Variants in COL6A6 observed in about 807,000 individuals in gnomAD.
COL6A6 encodes the protein collagen alpha-6(VI) chain.
Under a neutral mutation model 208.6 loss-of-function variants are expected in COL6A6, and 183 were observed. The ratio of observed to expected loss-of-function variants is 0.88; its 90% CI spans 0.78 to 0.99. The LOEUF (loss-of-function observed/expected upper bound fraction) is 0.99. Ranked by LOEUF, COL6A6 falls within the 50% of genes least tolerant of loss-of-function variation. The pLI is 0.00. For missense variants in COL6A6, 2,816 were observed against 2,815.2 expected (o/e 1.00, Z -0.01); for synonymous variants, 973 against 1,011.8 (o/e 0.96, Z 0.73).
At chr3:130,641,077 G>T (rs541622265) in intron 28 of COL6A6, among the ~76,000 whole-genome samples, 3 of 152,194 alleles carry the variant, frequency 2.0e-5, no homozygotes, top group Non-Finnish European at 4.4e-5. Context: ...GATTATTAAT[G>T]CCTGACAGTA....
At chr3:130,550,418 A>C (rs976841315) in intron 1 of COL6A6, among the ~76,000 whole-genome samples, 6 of 152,136 alleles carry the variant, frequency 3.9e-5, no homozygotes, top group African/African-American at 1.2e-4. Context: ...TTCCCCATTC[A>C]GTATGATGTT....
chr3:130,643,383 G>C (rs1228263631), intron 31 of COL6A6, among the ~76,000 whole-genome samples: 1 of 152,160 alleles, frequency 6.6e-6, no homozygotes, highest in Non-Finnish European at 1.5e-5. Context: ...GAATTCACCT[G>C]GCATGAAAGA....
chr3:130,525,069 T>A (rs1257817272), intron 1 of COL6A6, among the ~76,000 whole-genome samples: 2 of 152,250 alleles, frequency 1.3e-5, no homozygotes, highest in Non-Finnish European at 2.9e-5. Flanking sequence ...CCCATTATCC[T>A]GCTTTCACAA....
intron 27 of COL6A6, 105 bp downstream of exon 27, chr3:130,634,730 C>G: frequency 1.2e-6 from 1 of 802,854 alleles, no homozygotes; most frequent in East Asian, 2.9e-5. Flanking sequence ...AATAAATGTC[C>G]TACCTTTGTG....
rs2062993523 is a variant in COL6A6 at position 130,565,397 on chromosome 3, C to T, written c.1065C>T (p.Leu355=). 6.2e-7 allele frequency: 1 copy of T among 1,613,848 alleles called. No homozygotes were observed. The highest frequency in any genetic ancestry group is 1.1e-5 in the South Asian group (1 of 91,082). ...ACGTGACAAAAGCAGCTGTTAACCTCCGACGGGAGGGTGTGACCATCTTCA... is the reference window on the plus strand; with the variant it reads ...ACGTGACAAAAGCAGCTGTTAACCTTCGACGGGAGGGTGTGACCATCTTCA... ...EDNVTKAAVN[L]RREGVTIFTL... The change falls in exon 4 of 37, where the codon CTC becomes CTT. Residue 355 remains leucine, a synonymous_variant. Coordinates refer to ENST00000358511, the MANE Select transcript of COL6A6 (RefSeq NM_001102608.3).
In COL6A6 at chr3:130,569,726, G is replaced by A. The variant is rs76942779; in HGVS notation, c.2402-1092G>A. On this transcript the variant is annotated intron_variant, in intron 6 of 36. Transcript: ENST00000358511. ...ATTCCCAGTCTCCTGGGTAATCCAA[G>A]CAGGCTTCCCAGGCAGTCAAAGACC... Among the ~76,000 whole-genome samples the A allele has an allele frequency of 3.3e-5, 5 of 152,300 alleles. No individual in the cohort carries two copies. In the East Asian group the frequency reaches 9.6e-4, roughly 29 times the overall value.
intron 31 of COL6A6, among the ~76,000 whole-genome samples, chr3:130,643,410 G>C (rs889761786): frequency 4.6e-5 from 7 of 152,168 alleles, no homozygotes; most frequent in Non-Finnish European, 8.8e-5. Flanking sequence ...CGTGATAATA[G>C]GGTGTCCTGG....
chr3:130,604,548 C>T (rs914435916), intron 20 of COL6A6, among the ~76,000 whole-genome samples: 2 of 151,390 alleles, frequency 1.3e-5, no homozygotes, highest in Admixed American at 6.6e-5. Context: ...GCTATGCGAT[C>T]GTTTCTAGAG....
Position 130,662,174 on chromosome 3 carries a change from T to G in COL6A6, c.6368T>G (p.Ile2123Ser). 6.2e-7 allele frequency: 1 copy of G among 1,613,986 alleles called. No individual in the cohort carries two copies. Among genetic ancestry groups the G allele is most frequent in the South Asian group, 1.1e-5 (1 of 91,078 alleles). The change falls in exon 35 of 37, where the codon ATT (isoleucine) becomes AGT (serine). Residue 2123 changes from isoleucine to serine, a missense_variant. Ile to Ser is a moderately radical substitution (Grantham distance 142). Transcript: ENST00000358511. ...YALFVFSLGP[I>S]WDDKELEDLA... ...TTATTTGTGTTTTCCCTTGGCCCTA[T>G]TTGGGATGACAAGGAACTGGAGGAT...
At chr3:130,657,516 A>G (rs1272868508) in intron 33 of COL6A6, among the ~76,000 whole-genome samples, 1 of 152,250 alleles carries the variant, frequency 6.6e-6, no homozygotes, top group East Asian at 1.9e-4. Context: ...TCAGTTGGCC[A>G]CTTGTGACTA....
intron 1 of COL6A6, among the ~76,000 whole-genome samples, chr3:130,559,595 G>A (rs1450758821): frequency 6.6e-6 from 1 of 152,148 alleles, no homozygotes; most frequent in Admixed American, 6.5e-5. Context: ...TAATAAATGA[G>A]CAAAAAATAA....
At position 130,675,585 on chromosome 3, in the gene COL6A6, C is replaced by A. The variant is rs140244355; in HGVS notation, c.*188C>A. The stretch of plus-strand genomic sequence containing the variant: ...CACTCCTGACAATTCCAGCACTCTA[C>A]GACTGATATGTCGAAGAACTGTTTC... On this transcript the variant is annotated 3_prime_UTR_variant, in exon 37 of 37. Coordinates refer to ENST00000358511, the MANE Select transcript of COL6A6 (RefSeq NM_001102608.3). 4 of 464,594 alleles carry A rather than the reference C, an allele frequency of 8.6e-6. No homozygotes were observed. Among genetic ancestry groups the A allele is most frequent in the African/African-American group, 1.9e-5 (1 of 51,564 alleles). 28.8% of individuals were successfully genotyped at this position (464,594 alleles called of 1,614,324 possible).
intron 1 of COL6A6, among the ~76,000 whole-genome samples, chr3:130,557,235 A>G (rs987808375): frequency 2.6e-5 from 4 of 152,250 alleles, no homozygotes; most frequent in African/African-American, 7.2e-5. Flanking sequence ...ACCCTGTTCA[A>G]ATATGATTAA....
chr3:130,662,744 T>C (rs2065969136), intron 35 of COL6A6, among the ~76,000 whole-genome samples: 1 of 152,214 alleles, frequency 6.6e-6, no homozygotes, highest in Non-Finnish European at 1.5e-5. Flanking sequence ...TTGGCTTTGC[T>C]TTCACAAGTT....
chr3:130,627,534 G>C (rs1054633204), intron 26 of COL6A6, among the ~76,000 whole-genome samples, 165 bp downstream of exon 26: 8 of 152,220 alleles, frequency 5.3e-5, no homozygotes, highest in Admixed American at 5.2e-4. Flanking sequence ...GAATGTGATA[G>C]AAAAGAATGT....
At chr3:130,566,181 T>C (rs995444987) in intron 4 of COL6A6, among the ~76,000 whole-genome samples, 4 of 152,362 alleles carry the variant, frequency 2.6e-5, no homozygotes, top group African/African-American at 7.2e-5. Flanking sequence ...GGTATACATA[T>C]AGATGTGTAT....
intron 13 of COL6A6, 48 bp from the exon 14 acceptor site, chr3:130,592,493 C>A: frequency 7.0e-7 from 1 of 1,433,830 alleles, no homozygotes; most frequent in Non-Finnish European, 9.5e-7. Flanking sequence ...CAAGACAGAT[C>A]TCAGATTACA....
chr3:130,620,576 G>A (rs534315015), intron 23 of COL6A6, among the ~76,000 whole-genome samples: 1 of 152,134 alleles, frequency 6.6e-6, no homozygotes, highest in African/African-American at 2.4e-5. Context: ...TCTATGGAGG[G>A]TGACAATATT....
In COL6A6 at chr3:130,568,107, C is replaced by A; in HGVS notation, c.1904C>A (p.Pro635His). The A allele has an allele frequency of 6.2e-7, 1 of 1,613,932 alleles. No homozygotes were observed. The highest frequency in any genetic ancestry group is 8.5e-7 in the Non-Finnish European group (1 of 1,179,874). The stretch of plus-strand genomic sequence containing the variant: ...GTGGACAGTTCTGGAAGTATAGGAC[C>A]TGAAAACTTCAGCAAAATGAAAACA... ...FLVDSSGSIG[P>H]ENFSKMKTFM... Residue 635 changes from proline to histidine, a missense_variant, in exon 6 of 37, where the codon CCT becomes CAT. Transcript: ENST00000358511.
Sources: gnomAD v4.1 joint callset for allele counts (sites outside exome capture counted in the v4.1 genomes callset) on GRCh38, gnomAD v4.1.1 for gene constraint, MANE v1.5 for transcripts, NCBI Gene and HGNC (gene_info 2026-07-23, HGNC 2026-07-21) for gene names.